Variants in FRMD4A observed in about 807,000 individuals in gnomAD.
The protein encoded by FRMD4A is FERM domain-containing protein 4A.
In FRMD4A, 29 loss-of-function variants were observed where a neutral mutation model predicts 129.1. The ratio of observed to expected loss-of-function variants is 0.22; its 90% confidence interval spans 0.17 to 0.31. The LOEUF is 0.31. FRMD4A is among the 10% of genes least tolerant of loss of function. FRMD4A has a pLI of 1.00. For missense variants in FRMD4A, 1,272 were observed against 1,375.8 expected (o/e 0.92, Z 1.19); for synonymous variants, 634 against 571.6 (o/e 1.11, Z -1.56).
chr10:14,253,822 A>G (rs1844519675), intron 2 of FRMD4A, among the ~76,000 whole-genome samples: 2 of 152,080 alleles, frequency 1.3e-5, no homozygotes, highest in South Asian at 4.1e-4. Flanking sequence ...TGAGTGGGGA[A>G]GCTCGCTGAG....
At chr10:14,174,879 CTGTGTGTGTGTGTGTGTG>C (rs56966643) in intron 2 of FRMD4A, among the ~76,000 whole-genome samples, 1 of 87,558 alleles carries the variant, frequency 1.1e-5, no homozygotes, top group Admixed American at 1.2e-4. Flanking sequence ...GTGTGTGTGT[CTGTGTGTGTGTGTGTGTG>C]TGTGTGTGTG....
intron 2 of FRMD4A, among the ~76,000 whole-genome samples, chr10:14,094,317 C>T (rs1438201975): frequency 1.3e-5 from 2 of 152,174 alleles, no homozygotes; most frequent in African/African-American, 4.8e-5. Flanking sequence ...GTGCAGGAGC[C>T]CCAGTCAACA....
At chr10:14,174,952 C>T (rs111524534) in intron 2 of FRMD4A, among the ~76,000 whole-genome samples, 1 of 149,672 alleles carries the variant, frequency 6.7e-6, no homozygotes, top group Non-Finnish European at 1.5e-5. Flanking sequence ...GTCCAGGAGT[C>T]CAAATAAATC....
At chr10:14,261,062 A>C (rs149851213) in intron 2 of FRMD4A, among the ~76,000 whole-genome samples, 1 of 152,244 alleles carries the variant, frequency 6.6e-6, no homozygotes, top group African/African-American at 2.4e-5. Flanking sequence ...GTCAATAAAC[A>C]TATGGGACTG....
At chr10:14,310,742 C>G (rs901365665) in intron 2 of FRMD4A, among the ~76,000 whole-genome samples, 1 of 152,168 alleles carries the variant, frequency 6.6e-6, no homozygotes, top group Admixed American at 6.5e-5. Flanking sequence ...AAATGGCACA[C>G]CTTGTCCAAC....
intron 15 of FRMD4A, among the ~76,000 whole-genome samples, chr10:13,687,222 G>C (rs763894999): frequency 6.6e-6 from 1 of 152,154 alleles, no homozygotes; most frequent in Non-Finnish European, 1.5e-5. Context: ...AGATAACCCG[G>C]GAGGAAGAGG....
intron 2 of FRMD4A, among the ~76,000 whole-genome samples, chr10:14,039,358 C>G: frequency 1.2e-5 from 1 of 86,646 alleles, no homozygotes; most frequent in Admixed American, 1.4e-4. Flanking sequence ...ACTTTCTGAT[C>G]TGTCCGTCCG....
chr10:14,230,328 G>A (rs1285136663), intron 2 of FRMD4A, among the ~76,000 whole-genome samples: 1 of 152,222 alleles, frequency 6.6e-6, no homozygotes, highest in Non-Finnish European at 1.5e-5. Context: ...ACCTGGGTTT[G>A]AGGTTCAACT....
chr10:14,042,700 T>C lies in FRMD4A; in HGVS notation c.46-183788A>G, dbSNP rs2446568. Among the ~76,000 whole-genome samples the C allele has an allele frequency of 7.2e-3, 1,089 of 152,042 alleles. 19 individuals carry two copies. Among genetic ancestry groups the C allele is most frequent in the African/African-American group, 0.025 (1,052 of 41,498 alleles). On this transcript the variant is annotated intron_variant, in intron 2 of 24. Coordinates refer to ENST00000357447, the MANE Select transcript of FRMD4A (RefSeq NM_018027.5). Reference sequence around the variant, plus strand: ...GAAAACAGGCCGGCGCAGTGGCTCATGCCTGTAATCCCAGCACTTTGGGAG... The same window carrying C: ...GAAAACAGGCCGGCGCAGTGGCTCACGCCTGTAATCCCAGCACTTTGGGAG...
At chr10:14,070,828 C>G (rs1252117827) in intron 2 of FRMD4A, among the ~76,000 whole-genome samples, 1 of 152,168 alleles carries the variant, frequency 6.6e-6, no homozygotes, top group Non-Finnish European at 1.5e-5. Flanking sequence ...CCTGAATCAT[C>G]AGGACTGGGG....
chr10:14,185,498 T>G (rs1315805376), intron 2 of FRMD4A, among the ~76,000 whole-genome samples: 2 of 151,934 alleles, frequency 1.3e-5, no homozygotes, highest in African/African-American at 4.8e-5. Flanking sequence ...TTTTTCTAAC[T>G]TCAAGTATTT....
At chr10:13,932,834 C>T (rs2095212955) in intron 2 of FRMD4A, among the ~76,000 whole-genome samples, 1 of 152,112 alleles carries the variant, frequency 6.6e-6, no homozygotes, top group Non-Finnish European at 1.5e-5. Flanking sequence ...ACACTTTCTT[C>T]CCCCTACAAC....
intron 4 of FRMD4A, 65 bp downstream of exon 4, chr10:13,810,749 T>G: frequency 1.3e-6 from 1 of 796,752 alleles, no homozygotes; most frequent in Non-Finnish European, 2.1e-6. Flanking sequence ...ACAGCTGGAG[T>G]GGAGCAGTTT....
chr10:14,004,056 A>T (rs1214084599), intron 2 of FRMD4A, among the ~76,000 whole-genome samples: 2 of 152,252 alleles, frequency 1.3e-5, no homozygotes, highest in Non-Finnish European at 2.9e-5. Context: ...AAGTTGAGTT[A>T]CTTGGGATTC....
intron 2 of FRMD4A, among the ~76,000 whole-genome samples, chr10:14,312,526 G>A (rs1473499497): frequency 1.3e-5 from 2 of 152,056 alleles, no homozygotes; most frequent in Admixed American, 6.5e-5. Context: ...CAAGCCATAT[G>A]CACAAAGATA....
intron 6 of FRMD4A, among the ~76,000 whole-genome samples, chr10:13,769,419 G>A (rs1390341031): frequency 6.6e-6 from 1 of 152,040 alleles, no homozygotes; most frequent in African/African-American, 2.4e-5. Flanking sequence ...AGCGATTCTT[G>A]TGCCTCAGTT....
At chr10:14,095,478 T>C (rs1332662898) in intron 2 of FRMD4A, among the ~76,000 whole-genome samples, 2 of 152,206 alleles carry the variant, frequency 1.3e-5, no homozygotes, top group African/African-American at 4.8e-5. Flanking sequence ...GCTTGAACTA[T>C]CCGTGGGGAC....
At chr10:13,801,697 T>C (rs1476229576) in intron 4 of FRMD4A, among the ~76,000 whole-genome samples, 1 of 152,240 alleles carries the variant, frequency 6.6e-6, no homozygotes, top group Admixed American at 6.5e-5. Flanking sequence ...CACTTTTGGC[T>C]GGAGCACTTG....
chr10:14,245,871 C>A (rs911354353), intron 2 of FRMD4A, among the ~76,000 whole-genome samples: 17 of 152,140 alleles, frequency 1.1e-4, no homozygotes, highest in African/African-American at 4.1e-4. Context: ...CAAACTCATA[C>A]AAGCTCCTTC....
Sources: gnomAD v4.1 joint callset for allele counts (sites outside exome capture counted in the v4.1 genomes callset) on GRCh38, gnomAD v4.1.1 for gene constraint, MANE v1.5 for transcripts, NCBI Gene and HGNC (gene_info 2026-07-23, HGNC 2026-07-21) for gene names.